VPS54: variants seen among roughly 807,000 people sequenced by gnomAD.
The protein encoded by VPS54 is VPS54 subunit of GARP complex.
Under a neutral mutation model 121.5 loss-of-function variants are expected in VPS54, and 45 were observed. The ratio of observed to expected loss-of-function variants is 0.37; its 90% CI spans 0.29 to 0.47. The LOEUF (loss-of-function observed/expected upper bound fraction) is 0.47, where lower values mean the gene tolerates loss of function less well. VPS54 is among the 20% of genes least tolerant of loss of function. The probability of loss-of-function intolerance (pLI) is 0.99; values close to 1 mark genes in which losing one functional copy is unlikely to be tolerated. For synonymous variants in VPS54, 371 were observed against 385.8 expected, an observed-to-expected ratio of 0.96 and a Z score of 0.45; for missense variants, 1,090 against 1,131.4, an observed-to-expected ratio of 0.96 and a Z score of 0.52.
intron 20 of VPS54, among the ~76,000 whole-genome samples, chr2:63,911,316 T>TA (rs1456263684): frequency 1.3e-5 from 2 of 152,194 alleles, no homozygotes; most frequent in African/African-American, 4.8e-5. Context: ...ATAGGTATGT[T>TA]TGTACATAAA....
intron 1 of VPS54, among the ~76,000 whole-genome samples, chr2:63,997,587 T>C (rs1198016098): frequency 6.6e-6 from 1 of 152,124 alleles, no homozygotes; most frequent in Non-Finnish European, 1.5e-5. Context: ...TTCTTTTTTC[T>C]TAGTCTGGCA....
chr2:63,903,161 C>G (rs774618839), intron 20 of VPS54, among the ~76,000 whole-genome samples: 3 of 152,124 alleles, frequency 2.0e-5, no homozygotes, highest in Non-Finnish European at 4.4e-5. Flanking sequence ...ACACACAGAA[C>G]TTAGACACAT....
At chr2:63,983,739 GC>G (rs1381491094) in intron 2 of VPS54, 124 bp downstream of exon 2, 3 of 1,281,820 alleles carry the variant, frequency 2.3e-6, no homozygotes, top group African/African-American at 1.5e-5. Context: ...ACCGTGCCCG[GC>G]CCCCCCAAAT....
intron 1 of VPS54, among the ~76,000 whole-genome samples, chr2:64,017,008 A>C (rs13014781): frequency 0.17 from 24,857 of 143,934 alleles, 2,854 homozygotes; most frequent in Non-Finnish European, 0.24. Flanking sequence ...AATTGTAATT[A>C]ACTTTTGTTG....
chr2:63,943,727 C>CTTTCTTTTTTT (rs34858643), intron 10 of VPS54, among the ~76,000 whole-genome samples: 1 of 129,606 alleles, frequency 7.7e-6, no homozygotes, highest in African/African-American at 3.0e-5. Context: ...TTCTTTCTTT[C>CTTTCTTTTTTT]TTTTTTTTTT....
At position 63,983,887 on chromosome 2, in the gene VPS54, T is replaced by A. The variant is rs904792328; in HGVS notation, c.113A>T (p.Asp38Val). 1.9e-6 allele frequency: 3 copies of A among 1,610,430 alleles called. No individual in the cohort carries two copies. Among genetic ancestry groups the A allele is most frequent in the Non-Finnish European group, 1.7e-6 (2 of 1,178,386 alleles). The change falls in exon 2 of 23, where the codon GAT becomes GTT. Residue 38 changes from aspartate to valine, a missense_variant. Transcript: ENST00000272322. The stretch of plus-strand genomic sequence containing the variant: ...ACCTGTGGGTTCCTTGGGACACACA[T>A]CTGGCAGTGATGGCACAGGTCGAAT... ...KHIRPVPSLP[D>V]VCPKEPTGDS... is the part of the protein sequence containing the mutation.
At chr2:63,978,608 A>T (rs1005639984) in intron 3 of VPS54, among the ~76,000 whole-genome samples, 2 of 152,024 alleles carry the variant, frequency 1.3e-5, no homozygotes, top group African/African-American at 4.8e-5. Flanking sequence ...AAGCTATTTC[A>T]GATTTTTCTA....
intron 1 of VPS54, among the ~76,000 whole-genome samples, chr2:64,010,908 G>A (rs913316253): frequency 2.6e-5 from 4 of 152,252 alleles, no homozygotes; most frequent in Middle Eastern, 3.4e-3. Flanking sequence ...GAACAAAGTT[G>A]TAGTAATCTA....
chr2:63,961,462 G>A (rs556381424), intron 7 of VPS54, among the ~76,000 whole-genome samples: 1 of 152,222 alleles, frequency 6.6e-6, no homozygotes, highest in Admixed American at 6.5e-5. Context: ...ACTTCTACAA[G>A]GATACTGCAA....
rs545761698 is a variant in VPS54 at position 63,935,466 on chromosome 2, T to C, written c.1399-1453A>G. Among the ~76,000 whole-genome samples the C allele has an allele frequency of 8.2e-4, 125 of 152,294 alleles. 1 individual carries two copies. Among genetic ancestry groups the C allele is most frequent in the African/African-American group, 3.0e-3 (123 of 41,576 alleles). ...ATCCTCACTGCTGTCCAATCTTGGA[T>C]ATACTTAGTTCCCCCATCTTGTTTT... is the stretch of plus-strand genomic sequence containing the variant. On this transcript the variant is annotated intron_variant, in intron 11 of 22. Transcript: ENST00000272322.
intron 11 of VPS54, among the ~76,000 whole-genome samples, chr2:63,938,059 G>GGTGTGTGTGTGTGTGTGT (rs1553475195): frequency 0.012 from 1,643 of 140,442 alleles, 40 homozygotes; most frequent in African/African-American, 0.04. Context: ...TGGTGTGTGT[G>GGTGTGTGTGTGTGTGTGT]GTGTGTGTGT....
At chr2:63,986,681 C>T (rs577340955) in intron 1 of VPS54, among the ~76,000 whole-genome samples, 4 of 152,312 alleles carry the variant, frequency 2.6e-5, no homozygotes, top group South Asian at 2.1e-4. Context: ...CTGCTCTCCA[C>T]GGTGATTGTA....
rs553069285 is a variant in VPS54, at chr2:63,904,745, C to T, written c.2626-5164G>A. Among the ~76,000 whole-genome samples, 3 of 152,276 alleles carry T rather than the reference C, an allele frequency of 2.0e-5. No individual in the cohort carries two copies. The South Asian group carries it at 6.2e-4, about 32-fold the overall frequency. On this transcript the variant is annotated intron_variant, in intron 20 of 22. Transcript: ENST00000272322. ...CACTCTACCCAGCAACAGCAAAATACACATTGTTTTCATGTGCATGTGGAA... is the reference window on the plus strand; with the variant it reads ...CACTCTACCCAGCAACAGCAAAATATACATTGTTTTCATGTGCATGTGGAA...
chr2:63,937,545 A>C (rs1674507504), intron 11 of VPS54, among the ~76,000 whole-genome samples: 1 of 152,204 alleles, frequency 6.6e-6, no homozygotes, highest in Non-Finnish European at 1.5e-5. Context: ...TATTGGTGGA[A>C]ATGTAAAATG....
At chr2:63,961,598 T>G (rs1055011471) in intron 7 of VPS54, among the ~76,000 whole-genome samples, 1 of 152,208 alleles carries the variant, frequency 6.6e-6, no homozygotes, top group African/African-American at 2.4e-5. Flanking sequence ...AGAAATTGGG[T>G]CTTTTCTATC....
intron 20 of VPS54, among the ~76,000 whole-genome samples, chr2:63,907,903 A>C (rs1672974971): frequency 6.6e-6 from 1 of 152,196 alleles, no homozygotes. Context: ...ACGAACATTA[A>C]AAAATAAAGT....
chr2:63,949,588 G>A (rs568435551), intron 7 of VPS54, among the ~76,000 whole-genome samples: 2 of 152,084 alleles, frequency 1.3e-5, no homozygotes, highest in South Asian at 4.2e-4. Flanking sequence ...AAAATCCTAT[G>A]GAAAAGAAAA....
chr2:63,909,016 T>C (rs1673020641), intron 20 of VPS54, among the ~76,000 whole-genome samples: 1 of 152,170 alleles, frequency 6.6e-6, no homozygotes, highest in Non-Finnish European at 1.5e-5. Flanking sequence ...TCAACTTCAT[T>C]TGCCCTCATC....
intron 11 of VPS54, among the ~76,000 whole-genome samples, chr2:63,938,588 C>T (rs62136401): frequency 0.15 from 22,143 of 152,114 alleles, 2,005 homozygotes; most frequent in East Asian, 0.24. Context: ...CCTCAGCCTC[C>T]GGAATAGCTG....
Sources: gnomAD v4.1 joint callset for allele counts (sites outside exome capture counted in the v4.1 genomes callset) on GRCh38, gnomAD v4.1.1 for gene constraint, MANE v1.5 for transcripts, NCBI Gene and HGNC (gene_info 2026-07-23, HGNC 2026-07-21) for gene names.